Variants in CBLN2 observed in about 807,000 individuals in gnomAD.
CBLN2 encodes the protein cerebellin-2.
In CBLN2, 7 loss-of-function variants were observed where a neutral mutation model predicts 15.0. The ratio of observed to expected loss-of-function variants is 0.47; its 90% CI spans 0.27 to 0.88. The LOEUF is 0.88. CBLN2 is among the 40% of genes least tolerant of loss of function. The pLI, the probability that CBLN2 is intolerant of heterozygous loss-of-function variation, is 0.14. For missense variants in CBLN2, 242 were observed against 304.5 expected (o/e 0.79, Z 1.53); for synonymous variants, 149 against 135.2 (o/e 1.10, Z -0.71).
chr18:72,613,486 A>T (rs997850886), intron 1 of CBLN2, among the ~76,000 whole-genome samples: 1 of 125,040 alleles, frequency 8.0e-6, no homozygotes, highest in Non-Finnish European at 1.9e-5. Context: ...TTTTTCTTAC[A>T]CACTTTAGTT....
rs553365183 is a variant in CBLN2, at chr18:72,632,031, A to G, written c.15+6294T>C. Among the ~76,000 whole-genome samples, 15 of 152,242 alleles carry G rather than the reference A, an allele frequency of 9.9e-5. No homozygotes were observed. The South Asian group carries it at 2.3e-3, about 23-fold the overall frequency. ...ATCCTCTTACCTCAATCCATTTCTA[A>G]GTTAGAAACTATTTTTTAGTTAATA... On this transcript the variant is annotated intron_variant, in intron 1 of 2. Transcript: ENST00000581073.
At chr18:72,552,749 C>T (rs1390236924) in intron 1 of CBLN2, 1 of 152,022 alleles carries the variant, frequency 6.6e-6, no homozygotes, top group Non-Finnish European at 1.5e-5. Context: ...ATAAAGAAGG[C>T]TAGCGATAGT....
intron 3 of CBLN2, among the ~76,000 whole-genome samples, chr18:72,541,547 T>C (rs1180167256): frequency 2.6e-5 from 4 of 152,196 alleles, no homozygotes; most frequent in Non-Finnish European, 4.4e-5. Flanking sequence ...TTAGAAAGCT[T>C]AGACAGCCTT....
At position 72,537,999 on chromosome 18, in the gene CBLN2, G is replaced by A. The variant is rs374299629; in HGVS notation, c.*177C>T. ...AGGCCAGGTTCCCGAGGAATTGTCAGTATTCCAAAAAACAAAAACAAAAGT... is the reference window on the plus strand; with the variant it reads ...AGGCCAGGTTCCCGAGGAATTGTCAATATTCCAAAAAACAAAAACAAAAGT... On this transcript the variant is annotated 3_prime_UTR_variant, in exon 5 of 5. Coordinates refer to ENST00000269503, the MANE Select transcript of CBLN2 (RefSeq NM_182511.4). 6.3e-6 allele frequency: 4 copies of A among 633,264 alleles called. No individual in the cohort carries two copies. Among genetic ancestry groups the A allele is most frequent in the East Asian group, 2.7e-5 (1 of 36,384 alleles). 39.2% of individuals were successfully genotyped at this position (633,264 alleles called of 1,614,324 possible). A position where few individuals can be genotyped will look rare whatever the true frequency, so the allele number is the denominator to read the frequency against.
intron 1 of CBLN2, among the ~76,000 whole-genome samples, chr18:72,559,614 T>G (rs1046025417): frequency 6.6e-6 from 1 of 152,244 alleles, no homozygotes; most frequent in Non-Finnish European, 1.5e-5. Context: ...GGGTTGATTG[T>G]GTATTTGAAA....
At chr18:72,586,404 A>C (rs1599011582) in intron 1 of CBLN2, among the ~76,000 whole-genome samples, 1 of 152,296 alleles carries the variant, frequency 6.6e-6, no homozygotes, top group South Asian at 2.1e-4. Context: ...AAATTTCTTT[A>C]CCAACACTGT....
chr18:72,612,226 C>G (rs905161174), intron 1 of CBLN2, among the ~76,000 whole-genome samples: 1 of 152,038 alleles, frequency 6.6e-6, no homozygotes, highest in Non-Finnish European at 1.5e-5. Flanking sequence ...TAGTCAGGCT[C>G]TTTTTTGGTT....
chr18:72,581,528 C>A (rs994085320), intron 1 of CBLN2, among the ~76,000 whole-genome samples: 2 of 152,102 alleles, frequency 1.3e-5, no homozygotes, highest in East Asian at 1.9e-4. Flanking sequence ...TTAGAATATC[C>A]CACTTTGTGT....
intron 1 of CBLN2, among the ~76,000 whole-genome samples, chr18:72,566,257 G>C (rs2069294322): frequency 6.6e-6 from 1 of 152,118 alleles, no homozygotes; most frequent in Admixed American, 6.5e-5. Flanking sequence ...AAACAGTATG[G>C]AACGTCCTCA....
intron 1 of CBLN2, among the ~76,000 whole-genome samples, chr18:72,583,093 A>C (rs1321910552): frequency 2.0e-5 from 3 of 152,140 alleles, no homozygotes; most frequent in Non-Finnish European, 4.4e-5. Flanking sequence ...GCCCAGGCCC[A>C]GGCCTCGAGG....
chr18:72,609,855 C>T (rs890244742), intron 1 of CBLN2, among the ~76,000 whole-genome samples: 2 of 152,150 alleles, frequency 1.3e-5, no homozygotes, highest in African/African-American at 4.8e-5. Flanking sequence ...CTTCTACTTC[C>T]TACTTCATGC....
chr18:72,540,070 T>G (rs1295095335), intron 3 of CBLN2: 1 of 152,206 alleles, frequency 6.6e-6, no homozygotes, highest in East Asian at 1.9e-4. Context: ...AGGGCAGGAC[T>G]GAGACAGACA....
intron 1 of CBLN2, chr18:72,620,111 C>G (rs1177862461): frequency 6.6e-6 from 1 of 152,376 alleles, no homozygotes; most frequent in East Asian, 1.9e-4. Context: ...CTCTGAAGCC[C>G]CAGAGGGTGT....
rs541992438 is a variant in CBLN2 at position 72,541,530 on chromosome 18, G to A, written c.357+274C>T. 1.8e-3 allele frequency among the ~76,000 whole-genome samples: 274 copies of A among 152,276 alleles called. 1 individual carries two copies. Among genetic ancestry groups the A allele is most frequent in the African/African-American group, 6.4e-3 (268 of 41,566 alleles). The stretch of plus-strand genomic sequence containing the variant: ...ACATATTTCAAATCTTTAGGTTTAC[G>A]GAACTCTTAGAAAGCTTAGACAGCC... On this transcript the variant is annotated intron_variant, in intron 3 of 4. Coordinates refer to ENST00000269503, the MANE Select transcript of CBLN2 (RefSeq NM_182511.4).
At chr18:72,562,394 A>G (rs574226235) in intron 1 of CBLN2, among the ~76,000 whole-genome samples, 1 of 152,344 alleles carries the variant, frequency 6.6e-6, no homozygotes, top group African/African-American at 2.4e-5. Context: ...CAGGAATGAA[A>G]TCATATAAGA....
chr18:72,619,630 A>G (rs1481375605), intron 1 of CBLN2, among the ~76,000 whole-genome samples: 3 of 152,148 alleles, frequency 2.0e-5, no homozygotes, highest in Non-Finnish European at 4.4e-5. Context: ...TACCAGAGTA[A>G]CCTTCTATGG....
intron 1 of CBLN2, among the ~76,000 whole-genome samples, chr18:72,585,785 C>T (rs1401022184): frequency 6.6e-6 from 1 of 152,220 alleles, no homozygotes. Flanking sequence ...GCCAAGCCAC[C>T]CTCAGTACCC....
At chr18:72,553,329 C>T (rs931520140) in intron 1 of CBLN2, among the ~76,000 whole-genome samples, 15 of 152,098 alleles carry the variant, frequency 9.9e-5, no homozygotes, top group Non-Finnish European at 1.9e-4. Flanking sequence ...GGGGCTTTGT[C>T]CAACATGTCA....
chr18:72,556,078 T>C (rs595736), intron 1 of CBLN2, among the ~76,000 whole-genome samples: 120,601 of 152,076 alleles, frequency 0.79, 53,115 homozygotes, highest in Non-Finnish European at 0.98. Flanking sequence ...GGGGATAGGA[T>C]CCCTAATTAC....
Sources: gnomAD v4.1 joint callset for allele counts (sites outside exome capture counted in the v4.1 genomes callset) on GRCh38, gnomAD v4.1.1 for gene constraint, MANE v1.5 for transcripts, NCBI Gene and HGNC (gene_info 2026-07-23, HGNC 2026-07-21) for gene names.